The following NRXN3 variants were observed in gnomAD, a reference collection of about 807,000 sequenced individuals.
NRXN3 encodes the protein neurexin 3.
NRXN3 carries 32 observed loss-of-function variants against 137.6 expected under a neutral mutation model. The ratio of observed to expected loss-of-function variants is 0.23; its 90% CI spans 0.18 to 0.31. NRXN3 has a LOEUF of 0.31. Ranked by LOEUF, NRXN3 falls within the 10% of genes least tolerant of loss-of-function variation. The pLI, the probability that NRXN3 is intolerant of heterozygous loss-of-function variation, is 1.00. For synonymous variants in NRXN3, 798 were observed against 784.5 expected (o/e 1.02, Z -0.29); for missense variants, 1,574 against 2,062.5 (o/e 0.76, Z 4.59).
chr14:78,797,872 C>T (rs1412146311), intron 8 of NRXN3, among the ~76,000 whole-genome samples: 3 of 152,090 alleles, frequency 2.0e-5, no homozygotes, highest in Non-Finnish European at 4.4e-5. Context: ...TCCTATAAAA[C>T]CATCAGATTT....
At chr14:79,261,641 GT>G (rs2077601719) in intron 15 of NRXN3, among the ~76,000 whole-genome samples, 5 of 138,610 alleles carry the variant, frequency 3.6e-5, no homozygotes, top group African/African-American at 5.5e-5. Flanking sequence ...GTGTGTGTGT[GT>G]GATGGGGTGG....
chr14:78,258,509 G>T (rs2070086610), intron 2 of NRXN3, among the ~76,000 whole-genome samples: 1 of 152,104 alleles, frequency 6.6e-6, no homozygotes, highest in African/African-American at 2.4e-5. Flanking sequence ...TGTGGATGAG[G>T]CTGCCTAGGG....
At chr14:79,005,254 A>G (rs2099549922) in intron 15 of NRXN3, among the ~76,000 whole-genome samples, 1 of 152,190 alleles carries the variant, frequency 6.6e-6, no homozygotes, top group African/African-American at 2.4e-5. Flanking sequence ...TTCCAAAGAC[A>G]TTCCCTTGCT....
At chr14:78,516,216 A>C (rs527431985) in intron 4 of NRXN3, among the ~76,000 whole-genome samples, 3 of 151,956 alleles carry the variant, frequency 2.0e-5, no homozygotes, top group South Asian at 4.2e-4. Flanking sequence ...TCAAGAATTC[A>C]AAGCTATAGT....
intron 16 of NRXN3, among the ~76,000 whole-genome samples, chr14:79,655,089 A>G (rs114475624): frequency 0.014 from 2,097 of 152,308 alleles, 44 homozygotes; most frequent in African/African-American, 0.047. Flanking sequence ...CTGATCATGC[A>G]TATTCTTGGA....
chr14:78,313,839 A>G (rs1191094666), intron 4 of NRXN3, among the ~76,000 whole-genome samples: 3 of 152,206 alleles, frequency 2.0e-5, no homozygotes, highest in Non-Finnish European at 4.4e-5. Flanking sequence ...ATTGAGAAGT[A>G]TATAAGCTAA....
At chr14:78,419,570 C>T (rs868169764) in intron 4 of NRXN3, among the ~76,000 whole-genome samples, 1 of 152,102 alleles carries the variant, frequency 6.6e-6, no homozygotes, top group African/African-American at 2.4e-5. Context: ...ATCTCCCTCT[C>T]ATAGTCAGTT....
chr14:78,526,526 G>A (rs1004464814), intron 4 of NRXN3, among the ~76,000 whole-genome samples: 8 of 152,172 alleles, frequency 5.3e-5, no homozygotes, highest in African/African-American at 1.7e-4. Flanking sequence ...TCTACTTTAA[G>A]CACTGGGCTA....
At chr14:79,583,130 G>A (rs753846674) in intron 16 of NRXN3, among the ~76,000 whole-genome samples, 7 of 152,162 alleles carry the variant, frequency 4.6e-5, no homozygotes, top group African/African-American at 9.7e-5. Context: ...TACATCTAGA[G>A]GGAATAATTT....
At chr14:79,557,840 G>GT (rs2097446645) in intron 16 of NRXN3, among the ~76,000 whole-genome samples, 1 of 151,996 alleles carries the variant, frequency 6.6e-6, no homozygotes, top group Non-Finnish European at 1.5e-5. Flanking sequence ...TTTCATGAAA[G>GT]TTTTCTCTGT....
At chr14:78,711,429 T>C (rs2098406196) in intron 7 of NRXN3, among the ~76,000 whole-genome samples, 1 of 121,858 alleles carries the variant, frequency 8.2e-6, no homozygotes, top group Non-Finnish European at 1.6e-5. Flanking sequence ...GGCTAATTCT[T>C]TTCTCTTTTT....
At chr14:78,812,031 G>A (rs1031966241) in intron 10 of NRXN3, among the ~76,000 whole-genome samples, 5 of 151,972 alleles carry the variant, frequency 3.3e-5, no homozygotes, top group Admixed American at 2.0e-4. Flanking sequence ...GCTTTATTGA[G>A]ATACAATTTT....
intron 15 of NRXN3, among the ~76,000 whole-genome samples, chr14:79,126,503 C>A (rs1375916846): frequency 6.6e-6 from 1 of 152,078 alleles, no homozygotes; most frequent in East Asian, 1.9e-4. Context: ...AGGACATGAA[C>A]TCATCATTTT....
intron 16 of NRXN3, among the ~76,000 whole-genome samples, chr14:79,493,615 CG>C (rs773595941): frequency 1.3e-5 from 2 of 152,148 alleles, no homozygotes; most frequent in Non-Finnish European, 2.9e-5. Flanking sequence ...CACTCTATCA[CG>C]GGATGAATAG....
intron 1 of NRXN3, among the ~76,000 whole-genome samples, chr14:78,173,351 G>A (rs980734791): frequency 2.6e-5 from 4 of 152,106 alleles, no homozygotes; most frequent in Non-Finnish European, 4.4e-5. Flanking sequence ...GGGCTTGGTC[G>A]TAATTAGCCC....
chr14:78,757,743 G>C (rs1277645987), intron 8 of NRXN3, among the ~76,000 whole-genome samples: 1 of 152,090 alleles, frequency 6.6e-6, no homozygotes, highest in Non-Finnish European at 1.5e-5. Context: ...TAAATTCTGG[G>C]GTTTGGTTAA....
At chr14:78,731,911 T>C (rs994859851) in intron 8 of NRXN3, among the ~76,000 whole-genome samples, 17 of 31,100 alleles carry the variant, frequency 5.5e-4, no homozygotes, top group African/African-American at 1.2e-3. Context: ...AAAGTAGCTA[T>C]ATTTGCCAGC....
intron 9 of NRXN3, among the ~76,000 whole-genome samples, chr14:78,807,086 G>A (rs2098876147): frequency 6.6e-6 from 1 of 152,220 alleles, no homozygotes; most frequent in Non-Finnish European, 1.5e-5. Flanking sequence ...GGTCAATGAT[G>A]TGTTAGTCTT....
At chr14:79,070,473 AAG>A (rs2099686228) in intron 15 of NRXN3, among the ~76,000 whole-genome samples, 1 of 152,178 alleles carries the variant, frequency 6.6e-6, no homozygotes, top group Non-Finnish European at 1.5e-5. Context: ...TGAGTAATTA[AAG>A]AGTCTTCAAT....
Sources: allele counts gnomAD v4.1 joint callset (sites outside exome capture counted in the v4.1 genomes callset), GRCh38; gene constraint gnomAD v4.1.1; transcripts MANE v1.5; gene names NCBI Gene and HGNC (gene_info 2026-07-23, HGNC 2026-07-21).